ADI1: variants seen among roughly 807,000 people sequenced by gnomAD.
ADI1 encodes acireductone dioxygenase 1, also known as acireductone dioxygenase.
A neutral mutation model predicts 18.7 loss-of-function variants in ADI1; 21 were observed. The observed-to-expected ratio is 1.13, with a 90% CI of 0.80 to 1.62. ADI1 has a LOEUF of 1.62. Among genes scored for constraint, ADI1 ranks in the 40% most tolerant of loss-of-function variants. The pLI, the probability that ADI1 is intolerant of heterozygous loss-of-function variation, is 0.00. For synonymous variants in ADI1, 90 were observed against 100.1 expected (o/e 0.90, Z 0.60); for missense variants, 245 against 254.9 (o/e 0.96, Z 0.26).
intron 2 of ADI1, among the ~76,000 whole-genome samples, chr2:3,508,424 C>T (rs1372941778): frequency 1.4e-5 from 2 of 147,516 alleles, no homozygotes; most frequent in African/African-American, 5.0e-5. Context: ...ATTAATTCAA[C>T]TGTATTAATA....
At chr2:3,515,506 T>C (rs1343264005) in intron 1 of ADI1, 2 of 152,258 alleles carry the variant, frequency 1.3e-5, no homozygotes, top group Non-Finnish European at 1.5e-5. Context: ...GCACTGAACA[T>C]AGATCTTTAT....
rs186404655 is a variant in ADI1, at chr2:3,511,066, C to T, written c.240+2791G>A. Among the ~76,000 whole-genome samples the T allele has an allele frequency of 7.2e-5, 11 of 152,336 alleles. No homozygotes were observed. In the East Asian group the frequency reaches 1.2e-3, roughly 16 times the overall value. On this transcript the variant is annotated intron_variant, in intron 2 of 3. Transcript: ENST00000327435. The stretch of plus-strand genomic sequence containing the variant: ...GGCCTGGTGGGAGGTGACTGGATCA[C>T]GGGAATGGATTTCTCATGAATGGTT...
chr2:3,516,047 A>G, intron 1 of ADI1: 1 of 983,198 alleles, frequency 1.0e-6, no homozygotes, highest in Non-Finnish European at 1.2e-6. Context: ...ATGTAATATG[A>G]CACATTATAT....
intron 1 of ADI1, among the ~76,000 whole-genome samples, chr2:3,517,987 T>C (rs1390789632): frequency 3.9e-5 from 6 of 152,266 alleles, no homozygotes; most frequent in Non-Finnish European, 8.8e-5. Flanking sequence ...CTTAAAACCG[T>C]CAAATGCACA....
In ADI1 at chr2:3,499,001, G is replaced by A. The variant is rs775751643; in HGVS notation, c.502C>T (p.Arg168Cys). ...YNRPADHFEA[R>C]GQYVKFLAQT... ...GCCAGAAATTTCACGTACTGCCCGC[G>A]GGCTTCAAAATGGTCAGCGGGCCGG... The change falls in exon 4 of 4, where the codon CGC becomes TGC. Residue 168 changes from arginine to cysteine, a missense_variant. Coordinates refer to ENST00000327435, the MANE Select transcript of ADI1 (RefSeq NM_018269.4). The A allele has an allele frequency of 1.5e-5, 24 of 1,613,812 alleles. No homozygotes were observed. Among genetic ancestry groups the A allele is most frequent in the East Asian group, 8.9e-5 (4 of 44,886 alleles).
chr2:3,506,167 A>G (rs1258545980), intron 2 of ADI1, among the ~76,000 whole-genome samples: 13 of 152,228 alleles, frequency 8.5e-5, no homozygotes, highest in Admixed American at 8.5e-4. Context: ...CACAGCCCAG[A>G]GGCACAGGCT....
intron 1 of ADI1, chr2:3,516,596 T>A: frequency 2.1e-6 from 1 of 484,998 alleles, no homozygotes; most frequent in Non-Finnish European, 2.7e-6. Flanking sequence ...CATCAGACAC[T>A]AAATCTGCTG....
At chr2:3,514,860 C>T (rs774727133) in intron 1 of ADI1, 33 of 1,547,522 alleles carry the variant, frequency 2.1e-5, no homozygotes, top group East Asian at 7.3e-5. Context: ...ATGGAGGGAC[C>T]GGCTGGAGCC....
intron 2 of ADI1, among the ~76,000 whole-genome samples, chr2:3,504,798 T>TTCACCTGAGTATGTTTCTATTGTTGGC (rs1667136489): frequency 6.6e-6 from 1 of 151,628 alleles, no homozygotes; most frequent in Non-Finnish European, 1.5e-5. Context: ...GTATTGTTGG[T>TTCACCTGAGTATGTTTCTATTGTTGGC]TCACCTGAGT....
intron 2 of ADI1, among the ~76,000 whole-genome samples, chr2:3,502,944 G>A (rs1667059574): frequency 6.6e-6 from 1 of 152,070 alleles, no homozygotes; most frequent in Non-Finnish European, 1.5e-5. Flanking sequence ...CTGGGAGCCA[G>A]GCCTCTCACA....
intron 2 of ADI1, among the ~76,000 whole-genome samples, chr2:3,501,885 CA>C (rs1202582637): frequency 6.6e-6 from 1 of 152,090 alleles, no homozygotes; most frequent in Non-Finnish European, 1.5e-5. Context: ...TAAAAATATT[CA>C]AGTATGCAAA....
rs199660633 is a variant in ADI1, at chr2:3,500,827, G to A, written c.407C>T (p.Thr136Met). 480 of 1,614,146 alleles carry A rather than the reference G, an allele frequency of 3.0e-4. 1 individual carries two copies. The highest frequency in any genetic ancestry group is 1.5e-3 in the Admixed American group (93 of 60,024). Residue 136 changes from threonine to methionine, a missense_variant, in exon 3 of 4, where the codon ACG (threonine) becomes ATG (methionine). Coordinates refer to ENST00000327435, the MANE Select transcript of ADI1 (RefSeq NM_018269.4). ...TLPAGIYHRF[T>M]VDEKNYTKAM... ...CAGCACTCCCACCTTCTCGTCCACCGTGAAGCGGTGATAGATCCCCGCGGG... is the reference window on the plus strand; with the variant it reads ...CAGCACTCCCACCTTCTCGTCCACCATGAAGCGGTGATAGATCCCCGCGGG...
At chr2:3,516,833 T>C (rs1667419622) in intron 1 of ADI1, 10 of 985,404 alleles carry the variant, frequency 1.0e-5, no homozygotes, top group Non-Finnish European at 1.1e-5. Context: ...CACAAACATG[T>C]CCACATGTGT....
intron 2 of ADI1, among the ~76,000 whole-genome samples, chr2:3,506,102 T>C (rs921869274): frequency 3.9e-5 from 6 of 152,210 alleles, no homozygotes; most frequent in African/African-American, 1.4e-4. Flanking sequence ...GTCCAGCTGC[T>C]TCCAGCCATC....
chr2:3,501,607 C>CA (rs1667011840), intron 2 of ADI1, among the ~76,000 whole-genome samples: 1 of 152,026 alleles, frequency 6.6e-6, no homozygotes. Flanking sequence ...AATCTCAGCT[C>CA]ACTGCAACCT....
intron 2 of ADI1, among the ~76,000 whole-genome samples, chr2:3,502,354 C>G (rs890748928): frequency 2.0e-5 from 3 of 151,696 alleles, no homozygotes; most frequent in African/African-American, 7.3e-5. Context: ...GTTACAAAAT[C>G]ATAAATAAAA....
chr2:3,499,288 C>T (rs1666940876), intron 3 of ADI1, among the ~76,000 whole-genome samples: 1 of 152,236 alleles, frequency 6.6e-6, no homozygotes, highest in Non-Finnish European at 1.5e-5. Flanking sequence ...CCTGTCCTCA[C>T]GTGCCAGGTA....
rs373622916 is a variant in ADI1 at position 3,507,213 on chromosome 2, C to T, written c.241-6220G>A. ...TGTGGAACAATTATAAAAGATGTAACATATGTATAAATGGTATAACAGAAG... is the reference window on the plus strand; with the variant it reads ...TGTGGAACAATTATAAAAGATGTAATATATGTATAAATGGTATAACAGAAG... On this transcript the variant is annotated intron_variant, in intron 2 of 3. Coordinates refer to ENST00000327435, the MANE Select transcript of ADI1 (RefSeq NM_018269.4). Among the ~76,000 whole-genome samples, 49 of 152,156 alleles carry T rather than the reference C, an allele frequency of 3.2e-4. 1 individual carries two copies. The highest frequency in any genetic ancestry group is 2.7e-3 in the East Asian group (14 of 5,184).
At chr2:3,501,403 C>CT (rs1204127587) in intron 2 of ADI1, among the ~76,000 whole-genome samples, 1 of 152,220 alleles carries the variant, frequency 6.6e-6, no homozygotes, top group Non-Finnish European at 1.5e-5. Context: ...TGGCCCCATG[C>CT]TCACACCCAC....
Sources: allele counts gnomAD v4.1 joint callset (sites outside exome capture counted in the v4.1 genomes callset), GRCh38; gene constraint gnomAD v4.1.1; transcripts MANE v1.5; gene names NCBI Gene and HGNC (gene_info 2026-07-23, HGNC 2026-07-21).